Variants in FTCD observed in about 807,000 individuals in gnomAD.
FTCD encodes formimidoyltransferase-cyclodeaminase.
A neutral mutation model predicts 62.9 loss-of-function variants in FTCD; 76 were observed. That is an observed-to-expected ratio of 1.21 (90% CI 1.00 to 1.46). The LOEUF (loss-of-function observed/expected upper bound fraction) is 1.46. Among genes scored for constraint, FTCD ranks in the 40% most tolerant of loss-of-function variants. The pLI, the probability that FTCD is intolerant of heterozygous loss-of-function variation, is 0.00. For synonymous variants in FTCD, 397 were observed against 336.9 expected (o/e 1.18, Z -1.95); for missense variants, 845 against 751.3 (o/e 1.12, Z -1.46).
chr21:46,137,983 ACCT>A (rs551466989), intron 12 of FTCD, among the ~76,000 whole-genome samples: 77 of 152,138 alleles, frequency 5.1e-4, no homozygotes, highest in Admixed American at 4.2e-3. Flanking sequence ...TGCAGCCTTG[ACCT>A]CCTGTGCTCA....
Position 46,150,236 on chromosome 21 carries a change from T to C in FTCD, c.789A>G (p.Pro263=), listed in dbSNP as rs1317642694. ...TCREAQELSL[P]VVGSQLVGLV... ...GGCCCACCAGCTGTGAGCCCACCAC[T>C]GGGAGGCTCAGCTCCTGCCAAGGCA... The change falls in exon 7 of 14, where the codon CCA becomes CCG. Residue 263 remains proline (P), a synonymous_variant. Transcript: ENST00000397746. 6.2e-7 allele frequency: 1 copy of C among 1,609,618 alleles called. No individual in the cohort carries two copies.
intron 10 of FTCD, 185 bp from the exon 11 acceptor site, chr21:46,139,108 AGG>A (rs534933038): frequency 1.8e-5 from 9 of 489,146 alleles, no homozygotes; most frequent in South Asian, 1.5e-4. Context: ...GGAGCAGGGT[AGG>A]GGGGGTCGGG....
Position 46,146,312 on chromosome 21 carries a change from C to A in FTCD, c.922G>T (p.Gly308Cys), listed in dbSNP as rs777087998. ...QRIRLVVSRL[G>C]LDSLCPFSPK... ...CTGAAGGGGCACAGGGAGTCCAGGC[C>A]CAGCCGGCTCACCACCTGGAAAAGG... The change falls in exon 8 of 14, where the codon GGC becomes TGC. Residue 308 changes from glycine (G) to cysteine (C), a missense_variant. Coordinates refer to ENST00000397746, the MANE Select transcript of FTCD (RefSeq NM_206965.2). 1.9e-5 allele frequency: 30 copies of A among 1,603,178 alleles called. No homozygotes were observed. The highest frequency in any genetic ancestry group is 2.6e-5 in the Non-Finnish European group (30 of 1,174,996).
chr21:46,138,290 T>A (rs2078914977), intron 12 of FTCD, among the ~76,000 whole-genome samples: 1 of 152,156 alleles, frequency 6.6e-6, no homozygotes, highest in African/African-American at 2.4e-5. Context: ...TGCAGACACA[T>A]TTGGGTCTCC....
intron 3 of FTCD, chr21:46,152,453 C>T (rs565621004): frequency 6.8e-4 from 135 of 198,872 alleles, no homozygotes; most frequent in African/African-American, 1.6e-3. Flanking sequence ...CCGGCGTGAC[C>T]GTGACGGGGG....
At position 46,155,380 on chromosome 21, in the gene FTCD, C is replaced by G; in HGVS notation, c.54+90G>C. On this transcript the variant is annotated intron_variant, in intron 1 of 13. Coordinates refer to ENST00000397746, the MANE Select transcript of FTCD (RefSeq NM_206965.2). Reference sequence around the variant, plus strand: ...CATCCTGGGAAGACGACCCGGGACACCAAGCCCACCACCTCCTCCATGGCC... The same window carrying G: ...CATCCTGGGAAGACGACCCGGGACAGCAAGCCCACCACCTCCTCCATGGCC... 17 of 1,126,336 alleles carry G rather than the reference C, an allele frequency of 1.5e-5. No homozygotes were observed. The South Asian group carries it at 1.9e-4, about 13-fold the overall frequency. 69.8% of individuals were successfully genotyped at this position (1,126,336 alleles called of 1,614,324 possible).
Position 46,146,247 on chromosome 21 carries a change from C to A in FTCD, c.968+19G>T. 1 of 1,563,558 alleles carries A rather than the reference C, an allele frequency of 6.4e-7. No individual in the cohort carries two copies. The highest frequency in any genetic ancestry group is 1.1e-5 in the South Asian group (1 of 87,754). ...GAGCCCGGGAGGGGTGAGAAGAGGG[C>A]GGGAGGGCAGAGGCTCACTCGATGA... On this transcript the variant is annotated intron_variant, in intron 8 of 13. Coordinates refer to ENST00000397746, the MANE Select transcript of FTCD (RefSeq NM_206965.2).
intron 7 of FTCD, chr21:46,146,678 GGC>G (rs1465702854): frequency 1.0e-5 from 4 of 386,894 alleles, no homozygotes; most frequent in Non-Finnish European, 1.9e-5. Context: ...ATCGCTGACG[GGC>G]GGGAAAGATT....
chr21:46,136,737 G>A (rs2078874870), downstream of FTCD: 1 of 1,483,152 alleles, frequency 6.7e-7, no homozygotes, highest in Non-Finnish European at 9.0e-7. Context: ...CCGCAGCTCA[G>A]CTCTCAGCCC....
intron 12 of FTCD, 59 bp downstream of exon 12, chr21:46,138,449 C>T (rs2078918706): frequency 2.6e-6 from 4 of 1,511,846 alleles, no homozygotes; most frequent in Admixed American, 1.9e-5. Flanking sequence ...AGCAACTCAG[C>T]CCCAACAGCT....
chr21:46,146,717 C>T (rs2079156610), intron 7 of FTCD: 1 of 290,644 alleles, frequency 3.4e-6, no homozygotes, highest in Non-Finnish European at 6.6e-6. Flanking sequence ...TCACATCTAA[C>T]AAGTCCTCAA....
At chr21:46,152,003 G>C in intron 3 of FTCD, 23 bp from the exon 4 acceptor site, 1 of 1,519,940 alleles carries the variant, frequency 6.6e-7, no homozygotes, top group Non-Finnish European at 8.9e-7. Context: ...CCGGCGGTCA[G>C]GCCTGGACCG....
At chr21:46,137,464 C>T (rs1212739335) in intron 12 of FTCD, 130 bp from the exon 13 acceptor site, 2 of 751,274 alleles carry the variant, frequency 2.7e-6, no homozygotes, top group East Asian at 5.1e-5. Context: ...CAGCGCAGCC[C>T]CCGCTTTCGC....
chr21:46,143,623 T>G (rs1292675422), intron 10 of FTCD, among the ~76,000 whole-genome samples: 1 of 152,154 alleles, frequency 6.6e-6, no homozygotes, highest in South Asian at 2.1e-4. Context: ...AGGGGCACGC[T>G]AAAAAGTGAC....
Position 46,155,558 on chromosome 21 carries a change from C to G in FTCD, c.-35G>C, listed in dbSNP as rs1243996115. 1 of 1,591,678 alleles carries G rather than the reference C, an allele frequency of 6.3e-7. No homozygotes were observed. The highest frequency in any genetic ancestry group is 8.6e-7 in the Non-Finnish European group (1 of 1,160,804). On this transcript the variant is annotated 5_prime_UTR_variant, in exon 1 of 14. Coordinates refer to ENST00000397746, the MANE Select transcript of FTCD (RefSeq NM_206965.2). ...CTTGATCCAGATGCTCCTCTCTGGG[C>G]AGATGGAAGGACAGGGCCAGTGCTC...
intron 10 of FTCD, among the ~76,000 whole-genome samples, chr21:46,143,959 C>T (rs1293823402): frequency 6.6e-6 from 1 of 152,266 alleles, no homozygotes; most frequent in Non-Finnish European, 1.5e-5. Flanking sequence ...ACTCTGTACA[C>T]CTGGCTCCGC....
Position 46,145,803 on chromosome 21 carries a change from T to A in FTCD, c.1098+15A>T. Reference sequence around the variant, plus strand: ...CCAACAACTGCGCCTCCCCTGCCCCTCCCCCCGCGCTCACCATGGCCGCAG... The same window carrying A: ...CCAACAACTGCGCCTCCCCTGCCCCACCCCCCGCGCTCACCATGGCCGCAG... On this transcript the variant is annotated intron_variant, in intron 9 of 13. Coordinates refer to ENST00000397746, the MANE Select transcript of FTCD (RefSeq NM_206965.2). The A allele has an allele frequency of 9.2e-5, 22 of 238,136 alleles. No homozygotes were observed. The highest frequency in any genetic ancestry group is 1.2e-4 in the Non-Finnish European group (20 of 161,344). 14.8% of individuals were successfully genotyped at this position (238,136 alleles called of 1,614,324 possible). A position where few individuals can be genotyped will look rare whatever the true frequency, so the allele number is the denominator to read the frequency against.
chr21:46,138,248 G>C (rs1350904083), intron 12 of FTCD, among the ~76,000 whole-genome samples: 9 of 152,214 alleles, frequency 5.9e-5, no homozygotes, highest in Non-Finnish European at 1.0e-4. Flanking sequence ...TCTTGGGGGA[G>C]TATACACTTA....
chr21:46,149,594 C>T (rs2079219810), intron 7 of FTCD, among the ~76,000 whole-genome samples: 1 of 152,152 alleles, frequency 6.6e-6, no homozygotes, highest in African/African-American at 2.4e-5. Context: ...AGTGAAAGGA[C>T]AGACCAAGGC....
Sources: allele counts gnomAD v4.1 joint callset (sites outside exome capture counted in the v4.1 genomes callset), GRCh38; gene constraint gnomAD v4.1.1; transcripts MANE v1.5; gene names NCBI Gene and HGNC (gene_info 2026-07-23, HGNC 2026-07-21).